The following AUTS2 variants were observed in gnomAD, a reference collection of about 807,000 sequenced individuals.
AUTS2 encodes the protein autism susceptibility gene 2 protein.
Under a neutral mutation model 112.4 loss-of-function variants are expected in AUTS2, and 17 were observed. The observed-to-expected ratio is 0.15, with a 90% CI of 0.10 to 0.23. AUTS2 has a LOEUF of 0.23. Among genes scored for constraint, AUTS2 ranks in the 10% least tolerant of loss-of-function variants. The pLI, the probability that AUTS2 is intolerant of heterozygous loss-of-function variation, is 1.00. For synonymous variants in AUTS2, 751 were observed against 702.7 expected (o/e 1.07, Z -1.09); for missense variants, 1,510 against 1,701.6 (o/e 0.89, Z 1.98).
intron 4 of AUTS2, among the ~76,000 whole-genome samples, chr7:70,410,802 T>C (rs985835891): frequency 2.6e-5 from 4 of 151,752 alleles, no homozygotes; most frequent in Admixed American, 2.6e-4. Context: ...CAAATAGTCA[T>C]CCCCTACATA....
intron 4 of AUTS2, among the ~76,000 whole-genome samples, chr7:70,303,434 G>GCGCGCGCGCA (rs1241517255): frequency 6.3e-5 from 9 of 142,050 alleles, no homozygotes; most frequent in African/African-American, 2.4e-4. Flanking sequence ...GCGCGCGCGC[G>GCGCGCGCGCA]CACATACACA....
intron 16 of AUTS2, 91 bp from the exon 17 acceptor site, chr7:70,785,864 G>T: frequency 8.2e-7 from 1 of 1,217,878 alleles, no homozygotes; most frequent in South Asian, 1.3e-5. Flanking sequence ...AGAGAGGGCA[G>T]GGATCCCGCA....
chr7:70,749,382 C>T (rs77234478), intron 6 of AUTS2, among the ~76,000 whole-genome samples: 1 of 151,960 alleles, frequency 6.6e-6, no homozygotes, highest in Non-Finnish European at 1.5e-5. Flanking sequence ...GCGAATGTAC[C>T]GTCCTAACAA....
intron 5 of AUTS2, among the ~76,000 whole-genome samples, chr7:70,486,358 T>C (rs921805126): frequency 3.3e-5 from 5 of 152,218 alleles, no homozygotes; most frequent in African/African-American, 1.2e-4. Context: ...CCTAGGGACA[T>C]TGTGAAGATT....
At chr7:69,863,446 C>G (rs1181865371) in intron 1 of AUTS2, among the ~76,000 whole-genome samples, 1 of 152,138 alleles carries the variant, frequency 6.6e-6, no homozygotes, top group African/African-American at 2.4e-5. Flanking sequence ...CCCACAGATA[C>G]AGCGGGACAA....
intron 1 of AUTS2, among the ~76,000 whole-genome samples, chr7:69,649,160 A>G (rs934323984): frequency 1.1e-4 from 16 of 152,248 alleles, no homozygotes; most frequent in African/African-American, 3.8e-4. Context: ...CCAGTTTTTC[A>G]CTACACTTTG....
At chr7:70,621,836 C>CTTTT (rs1430977061) in intron 5 of AUTS2, among the ~76,000 whole-genome samples, 4 of 67,818 alleles carry the variant, frequency 5.9e-5, no homozygotes, top group African/African-American at 1.9e-4. Context: ...CATAGTCATT[C>CTTTT]TCTTTTTTTT....
At chr7:70,678,138 G>C (rs1443731131) in intron 5 of AUTS2, among the ~76,000 whole-genome samples, 2 of 152,032 alleles carry the variant, frequency 1.3e-5, no homozygotes, top group Admixed American at 6.6e-5. Flanking sequence ...CCTTCCCCAC[G>C]TGTAGTTGTC....
intron 1 of AUTS2, among the ~76,000 whole-genome samples, chr7:69,785,550 C>A (rs578237243): frequency 6.6e-6 from 1 of 152,240 alleles, no homozygotes; most frequent in Non-Finnish European, 1.5e-5. Context: ...ATCCCTTCTG[C>A]GGAGCAGAGT....
chr7:70,357,834 G>A (rs780920765), intron 4 of AUTS2, among the ~76,000 whole-genome samples: 7 of 152,234 alleles, frequency 4.6e-5, no homozygotes, highest in Non-Finnish European at 8.8e-5. Flanking sequence ...TATGAAGGGT[G>A]TGTGTTATGC....
chr7:70,012,122 C>T (rs932288928), intron 2 of AUTS2, among the ~76,000 whole-genome samples: 3 of 152,168 alleles, frequency 2.0e-5, no homozygotes, highest in East Asian at 3.9e-4. Flanking sequence ...GTGTTGGGTT[C>T]TGACAGTTAC....
intron 1 of AUTS2, among the ~76,000 whole-genome samples, chr7:69,733,125 C>T (rs980941698): frequency 5.3e-5 from 8 of 152,096 alleles, no homozygotes; most frequent in African/African-American, 1.9e-4. Flanking sequence ...TAATTGGCTA[C>T]GGCTCAGGTG....
At chr7:70,016,407 C>T (rs527878734) in intron 2 of AUTS2, among the ~76,000 whole-genome samples, 4 of 152,084 alleles carry the variant, frequency 2.6e-5, no homozygotes, top group Admixed American at 6.5e-5. Context: ...CCACCAGGAT[C>T]GTGTGATGGT....
chr7:70,092,839 A>T (rs778699695), intron 2 of AUTS2, among the ~76,000 whole-genome samples: 32 of 152,082 alleles, frequency 2.1e-4, no homozygotes, highest in Non-Finnish European at 4.1e-4. Context: ...CTCAGCTAGG[A>T]GCACCACTCG....
chr7:70,321,923 C>T (rs1415056426), intron 4 of AUTS2, among the ~76,000 whole-genome samples: 3 of 151,994 alleles, frequency 2.0e-5, no homozygotes, highest in Admixed American at 2.0e-4. Context: ...CCCAAGAAGC[C>T]TGAAAAACTT....
At chr7:69,625,070 G>A (rs559279545) in intron 1 of AUTS2, among the ~76,000 whole-genome samples, 2 of 152,126 alleles carry the variant, frequency 1.3e-5, no homozygotes, top group Non-Finnish European at 2.9e-5. Flanking sequence ...GCATGCCGTT[G>A]GGGCAGTGCC....
At chr7:70,730,081 A>G (rs1205048424) in intron 6 of AUTS2, among the ~76,000 whole-genome samples, 1 of 151,748 alleles carries the variant, frequency 6.6e-6, no homozygotes, top group African/African-American at 2.4e-5. Context: ...ATGGAGTTTC[A>G]CTCTGTTGGC....
intron 5 of AUTS2, among the ~76,000 whole-genome samples, chr7:70,578,543 C>G (rs1038962975): frequency 6.6e-5 from 10 of 152,226 alleles, no homozygotes; most frequent in African/African-American, 2.4e-4. Context: ...TTTCTTCCAA[C>G]TATAAACGTT....
chr7:69,743,444 C>T (rs1787353113), intron 1 of AUTS2, among the ~76,000 whole-genome samples: 1 of 152,182 alleles, frequency 6.6e-6, no homozygotes, highest in South Asian at 2.1e-4. Context: ...ATTTATATCA[C>T]TTATTCCTTA....
Sources: allele counts gnomAD v4.1 joint callset (sites outside exome capture counted in the v4.1 genomes callset), GRCh38; gene constraint gnomAD v4.1.1; transcripts MANE v1.5; gene names NCBI Gene and HGNC (gene_info 2026-07-23, HGNC 2026-07-21).